The following RASSF3 variants were observed in gnomAD, a reference collection of about 807,000 sequenced individuals.
RASSF3 encodes ras association domain-containing protein 3.
Under a neutral mutation model 19.9 loss-of-function variants are expected in RASSF3, and 19 were observed. The ratio of observed to expected loss-of-function variants is 0.96; its 90% CI spans 0.67 to 1.40. The LOEUF (loss-of-function observed/expected upper bound fraction) is 1.40. Among genes scored for constraint, RASSF3 ranks in the 40% most tolerant of loss-of-function variants. RASSF3 has a pLI of 0.00. For synonymous variants in RASSF3, 110 were observed against 104.2 expected, an observed-to-expected ratio of 1.06 and a Z score of -0.34; for missense variants, 306 against 289.8, an observed-to-expected ratio of 1.06 and a Z score of -0.41.
At chr12:64,529,831 T>C (rs760265853), upstream of RASSF3, among the ~76,000 whole-genome samples, 6 of 152,194 alleles carry the variant, frequency 3.9e-5, no homozygotes, top group Non-Finnish European at 7.3e-5. Flanking sequence ...ACCAACATGT[T>C]GTTCACCCAA....
At chr12:64,508,378 A>G (rs1868304577) in intron 1 of RASSF3, among the ~76,000 whole-genome samples, 2 of 151,744 alleles carry the variant, frequency 1.3e-5, no homozygotes, top group South Asian at 2.1e-4. Context: ...TTAGCCGGGC[A>G]TGGTGGCTGG....
intron 1 of RASSF3, among the ~76,000 whole-genome samples, chr12:64,539,717 A>G (rs931191680): frequency 2.0e-5 from 3 of 152,092 alleles, no homozygotes; most frequent in Non-Finnish European, 4.4e-5. Context: ...TTGAGGCTGC[A>G]GCAAGCTGTG....
intron 2 of RASSF3, among the ~76,000 whole-genome samples, chr12:64,566,827 C>G (rs1048759897): frequency 8.5e-5 from 13 of 152,190 alleles, no homozygotes; most frequent in Admixed American, 2.0e-4. Context: ...GTCCCTGTCT[C>G]CCCTGAGGGG....
chr12:64,662,043 A>G (rs1047951933), intron 1 of RASSF3, among the ~76,000 whole-genome samples: 12 of 151,704 alleles, frequency 7.9e-5, no homozygotes, highest in African/African-American at 2.7e-4. Context: ...GCCTTGCTCT[A>G]GATGCTGGAG....
At chr12:64,533,980 G>A (rs1459513528) in intron 1 of RASSF3, among the ~76,000 whole-genome samples, 4 of 152,142 alleles carry the variant, frequency 2.6e-5, no homozygotes, top group African/African-American at 7.2e-5. Context: ...ATATCAAGGC[G>A]GGACAATGTG....
In RASSF3 at chr12:64,561,667, A is replaced by T. The variant is rs184907899; in HGVS notation, c.294+19962A>T. Among the ~76,000 whole-genome samples the T allele has an allele frequency of 5.9e-5, 9 of 151,804 alleles. No individual in the cohort carries two copies. The East Asian group carries it at 1.7e-3, about 29-fold the overall frequency. On this transcript the variant is annotated intron_variant, in intron 2 of 5. Transcript: ENST00000637125. ...AAAACAAAAAATGCCTCAGGGAGTCACAACCATTCCTGCTTCAGAGAGTAC... is the reference window on the plus strand; with the variant it reads ...AAAACAAAAAATGCCTCAGGGAGTCTCAACCATTCCTGCTTCAGAGAGTAC...
downstream of RASSF3, among the ~76,000 whole-genome samples, chr12:64,543,867 C>T (rs1869001050): frequency 6.6e-6 from 1 of 152,012 alleles, no homozygotes; most frequent in Admixed American, 6.5e-5. Context: ...AATCAGCACT[C>T]TGTACCTAGC....
chr12:64,645,203 C>T (rs1309283821), intron 1 of RASSF3, among the ~76,000 whole-genome samples: 1 of 152,092 alleles, frequency 6.6e-6, no homozygotes, highest in Non-Finnish European at 1.5e-5. Context: ...ATAATTTTGG[C>T]AAACCATTAT....
At chr12:64,554,645 C>T (rs1029130771) in intron 2 of RASSF3, among the ~76,000 whole-genome samples, 1 of 152,156 alleles carries the variant, frequency 6.6e-6, no homozygotes, top group East Asian at 1.9e-4. Flanking sequence ...GGATCAGAGA[C>T]TGAGAGTACA....
At chr12:64,530,223 CTTCT>C (rs1868678337), upstream of RASSF3, among the ~76,000 whole-genome samples, 1 of 151,890 alleles carries the variant, frequency 6.6e-6, no homozygotes, top group Non-Finnish European at 1.5e-5. Context: ...TTTTGTCTGG[CTTCT>C]TTCACTCAGT....
At chr12:64,636,132 T>C (rs79020947) in intron 1 of RASSF3, among the ~76,000 whole-genome samples, 1 of 148,500 alleles carries the variant, frequency 6.7e-6, no homozygotes, top group Non-Finnish European at 1.5e-5. Flanking sequence ...TTTTTTTTTT[T>C]CTGATATGGA....
chr12:64,626,488 CAA>C (rs36122537), intron 1 of RASSF3, among the ~76,000 whole-genome samples: 11 of 76,826 alleles, frequency 1.4e-4, no homozygotes, highest in East Asian at 4.7e-4. Context: ...ACTCTTGTCT[CAA>C]AAAAAAAAAA....
At chr12:64,598,770 G>A (rs941002994) in intron 2 of RASSF3, among the ~76,000 whole-genome samples, 13 of 151,874 alleles carry the variant, frequency 8.6e-5, no homozygotes, top group African/African-American at 3.1e-4. Flanking sequence ...TTAAGTTCTA[G>A]GGTACATGTG....
chr12:64,661,540 T>C (rs1292075228), intron 1 of RASSF3, among the ~76,000 whole-genome samples: 2 of 152,074 alleles, frequency 1.3e-5, no homozygotes, highest in Non-Finnish European at 2.9e-5. Context: ...ACAACCCTGT[T>C]TGTTCCTTTC....
chr12:64,675,510 C>CT (rs1011082288), intron 1 of RASSF3, among the ~76,000 whole-genome samples: 3 of 152,068 alleles, frequency 2.0e-5, no homozygotes, highest in Non-Finnish European at 4.4e-5. Flanking sequence ...CTGGGAATCT[C>CT]TAAGAGGAGT....
chr12:64,662,271 AT>A (rs1390591123), intron 1 of RASSF3, among the ~76,000 whole-genome samples: 2 of 139,570 alleles, frequency 1.4e-5, no homozygotes, highest in Non-Finnish European at 3.2e-5. Flanking sequence ...AAAAAAAAAA[AT>A]TAGCCAGGCC....
chr12:64,630,204 ATT>A (rs976235172), intron 1 of RASSF3, among the ~76,000 whole-genome samples: 1 of 151,840 alleles, frequency 6.6e-6, no homozygotes, highest in Non-Finnish European at 1.5e-5. Context: ...CATATGTATA[ATT>A]TTTGTCATCC....
At chr12:64,688,179 C>A (rs1389471646) in intron 2 of RASSF3, 37 bp from the exon 3 acceptor site, 2 of 1,449,790 alleles carry the variant, frequency 1.4e-6, no homozygotes, top group Non-Finnish European at 1.9e-6. Flanking sequence ...GTGCCACCAT[C>A]CACCCAGCTA....
rs1329839258 is a variant in RASSF3, at chr12:64,520,496, G to T, written c.169+13167G>T. 2.7e-5 allele frequency among the ~76,000 whole-genome samples: 4 copies of T among 147,314 alleles called. No homozygotes were observed. The East Asian group carries it at 6.5e-4, about 24-fold the overall frequency. On this transcript the variant is annotated intron_variant, in intron 1 of 5. Transcript: ENST00000637125. ...CTTTAAAGCAAATATATACATATTT[G>T]TGTGTGTGAGTGTGCGTGCATATGT...
Sources: allele counts gnomAD v4.1 joint callset (sites outside exome capture counted in the v4.1 genomes callset), GRCh38; gene constraint gnomAD v4.1.1; transcripts MANE v1.5; gene names NCBI Gene and HGNC (gene_info 2026-07-23, HGNC 2026-07-21).